Variants in AGTPBP1 observed in about 807,000 individuals in gnomAD.
The protein encoded by AGTPBP1 is cytosolic carboxypeptidase 1.
AGTPBP1 carries 70 observed loss-of-function variants against 143.9 expected under a neutral mutation model. The ratio of observed to expected loss-of-function variants is 0.49; its 90% CI spans 0.40 to 0.59. The LOEUF (loss-of-function observed/expected upper bound fraction) is 0.59. Ranked by LOEUF, AGTPBP1 falls within the 20% of genes least tolerant of loss-of-function variation. The pLI, the probability that AGTPBP1 is intolerant of heterozygous loss-of-function variation, is 0.00. For missense variants in AGTPBP1, 1,229 were observed against 1,464.5 expected (o/e 0.84, Z 2.62); for synonymous variants, 463 against 500.2 (o/e 0.93, Z 0.99).
At chr9:85,780,997 G>A in the AGTPBP1 span, among the ~76,000 whole-genome samples, 1 of 152,122 alleles carries the variant, frequency 6.6e-6, no homozygotes, top group Non-Finnish European at 1.5e-5. Context: ...GGCACCTGTA[G>A]TCCCAGCTAC....
chr9:85,609,445 G>A (rs1179942905), intron 17 of AGTPBP1, among the ~76,000 whole-genome samples: 2 of 151,862 alleles, frequency 1.3e-5, no homozygotes, highest in Admixed American at 1.3e-4. Context: ...CAGGTGCCAG[G>A]CTCATTTTTG....
upstream of AGTPBP1, among the ~76,000 whole-genome samples, chr9:85,746,393 T>C (rs1485917502): frequency 1.3e-5 from 2 of 152,052 alleles, no homozygotes; most frequent in Non-Finnish European, 2.9e-5. Flanking sequence ...CCAGACAGCA[T>C]AGGCATATCA....
chr9:85,597,795 T>A (rs1829392035), intron 17 of AGTPBP1, among the ~76,000 whole-genome samples: 1 of 143,684 alleles, frequency 7.0e-6, no homozygotes, highest in Non-Finnish European at 1.5e-5. Flanking sequence ...CAATAAATTA[T>A]GTTGACAGGT....
At chr9:85,585,354 A>T in intron 23 of AGTPBP1, 109 bp downstream of exon 23, 1 of 1,141,092 alleles carries the variant, frequency 8.8e-7, no homozygotes, top group African/African-American at 1.6e-5. Context: ...TGAAACAAAA[A>T]TGGCAAAATG....
At chr9:85,677,407 A>G in intron 6 of AGTPBP1, 29 bp downstream of exon 6, 1 of 1,593,292 alleles carries the variant, frequency 6.3e-7, no homozygotes, top group South Asian at 1.1e-5. Flanking sequence ...AGTTCTAGAT[A>G]CAATAATCAT....
intron 14 of AGTPBP1, among the ~76,000 whole-genome samples, chr9:85,621,497 G>A (rs12350808): frequency 1.1e-3 from 169 of 149,870 alleles, no homozygotes; most frequent in African/African-American, 4.0e-3. Context: ...AAATATCCAC[G>A]TAGAATACAG....
chr9:85,659,674 TACTA>T (rs1405104657), intron 9 of AGTPBP1, among the ~76,000 whole-genome samples: 2 of 152,278 alleles, frequency 1.3e-5, no homozygotes, highest in African/African-American at 4.8e-5. Context: ...TTTTGGCTTT[TACTA>T]ACTTAGAATT....
At chr9:85,658,103 T>C (rs997767752) in intron 9 of AGTPBP1, among the ~76,000 whole-genome samples, 1 of 152,158 alleles carries the variant, frequency 6.6e-6, no homozygotes, top group African/African-American at 2.4e-5. Context: ...TAAACCCTAT[T>C]GAATTGTAGC....
intron 17 of AGTPBP1, among the ~76,000 whole-genome samples, chr9:85,603,053 C>T (rs967367738): frequency 2.6e-5 from 4 of 152,192 alleles, no homozygotes; most frequent in African/African-American, 7.2e-5. Flanking sequence ...GGCACTCTGG[C>T]GTCCTACATA....
Position 85,692,679 on chromosome 9 carries a change from CA to C in AGTPBP1, c.157+9del. The C allele has an allele frequency of 6.2e-7, 1 of 1,610,602 alleles. No homozygotes were observed. Among genetic ancestry groups the C allele is most frequent in the Middle Eastern group, 1.7e-4 (1 of 6,036 alleles). ...AGCATTTCAAAAACAAAGAAGAGAT[CA>C]ATGTTTACCTTGACTCTGAGCCAGA... On this transcript the variant is annotated intron_variant, in intron 3 of 25. Transcript: ENST00000357081.
the AGTPBP1 span, among the ~76,000 whole-genome samples, chr9:85,757,782 A>G: frequency 5.9e-5 from 9 of 152,176 alleles, no homozygotes; most frequent in African/African-American, 2.2e-4. Flanking sequence ...AGATTTTCAG[A>G]AGGCAGGAGT....
intron 25 of AGTPBP1, among the ~76,000 whole-genome samples, chr9:85,557,273 A>G (rs1298693311): frequency 2.6e-5 from 4 of 152,188 alleles, no homozygotes; most frequent in African/African-American, 9.6e-5. Flanking sequence ...TTTCATTATA[A>G]TCAAATCTGG....
rs533581269 is a variant in AGTPBP1, at chr9:85,672,151, A to G, written c.568+399T>C. 1.1e-4 allele frequency among the ~76,000 whole-genome samples: 16 copies of G among 151,906 alleles called. No individual in the cohort carries two copies. The South Asian group carries it at 3.3e-3, about 32-fold the overall frequency. On this transcript the variant is annotated intron_variant, in intron 7 of 25. Coordinates refer to ENST00000357081, the MANE Select transcript of AGTPBP1 (RefSeq NM_001330701.2). ...AATGGCACAATCTCAGCTCATTGCA[A>G]CCTCCACTTCCCAGGTTCAAATGAT...
chr9:85,801,226 C>T, the AGTPBP1 span, among the ~76,000 whole-genome samples: 17 of 152,076 alleles, frequency 1.1e-4, no homozygotes, highest in Admixed American at 3.3e-4. Flanking sequence ...GCAGGAGAAT[C>T]GCTTGAACCA....
chr9:85,582,529 T>C (rs1029210966), intron 23 of AGTPBP1, among the ~76,000 whole-genome samples: 3 of 151,812 alleles, frequency 2.0e-5, no homozygotes, highest in African/African-American at 7.3e-5. Flanking sequence ...ATACAAAAAA[T>C]ATTAGCTAGG....
intron 1 of AGTPBP1, among the ~76,000 whole-genome samples, chr9:85,720,157 A>G (rs1267908529): frequency 3.9e-5 from 6 of 152,236 alleles, no homozygotes; most frequent in African/African-American, 1.4e-4. Flanking sequence ...CTTTAGTATC[A>G]GGATGACGCT....
chr9:85,757,001 T>TG, the AGTPBP1 span, among the ~76,000 whole-genome samples: 17 of 151,096 alleles, frequency 1.1e-4, no homozygotes, highest in African/African-American at 1.7e-4. Flanking sequence ...GGTTTCTTTT[T>TG]TTTGGGGGGG....
chr9:85,719,340 G>C (rs1252325799), intron 1 of AGTPBP1, among the ~76,000 whole-genome samples: 1 of 152,106 alleles, frequency 6.6e-6, no homozygotes, highest in Non-Finnish European at 1.5e-5. Context: ...CTTTTATGTT[G>C]TTGAGCAGTG....
At chr9:85,720,992 A>G (rs2134609714) in intron 1 of AGTPBP1, among the ~76,000 whole-genome samples, 1 of 152,224 alleles carries the variant, frequency 6.6e-6, no homozygotes, top group East Asian at 1.9e-4. Context: ...GAGTTTCTTA[A>G]TCCTGAGTTC....
Sources: allele counts gnomAD v4.1 joint callset (sites outside exome capture counted in the v4.1 genomes callset), GRCh38; gene constraint gnomAD v4.1.1; transcripts MANE v1.5; gene names NCBI Gene and HGNC (gene_info 2026-07-23, HGNC 2026-07-21).